The following COL7A1 variants were observed in gnomAD, a reference collection of about 807,000 sequenced individuals.
COL7A1 encodes collagen alpha-1(VII) chain.
In COL7A1, 296 loss-of-function variants were observed where a neutral mutation model predicts 456.2. The observed-to-expected ratio is 0.65, with a 90% CI of 0.59 to 0.71. The LOEUF is 0.71. COL7A1 is among the 30% of genes least tolerant of loss of function. The pLI is 0.00. For missense variants in COL7A1, 3,441 were observed against 4,017.2 expected (o/e 0.86, Z 3.88); for synonymous variants, 1,464 against 1,525.9 (o/e 0.96, Z 0.95).
rs1270008555 is a variant in COL7A1 at position 48,578,979 on chromosome 3, C to A, written c.5389-25G>T. On this transcript the variant is annotated intron_variant, in intron 62 of 118. Transcript: ENST00000681320. The surrounding 1 kb of genome is among the most constrained non-coding windows in gnomAD (Gnocchi z 4.7). ...CCTGAGGAGAGACTCAAAGTCAGTTCATCATGGTCATGGGGTCAGGGGCTC... is the reference window on the plus strand; with the variant it reads ...CCTGAGGAGAGACTCAAAGTCAGTTAATCATGGTCATGGGGTCAGGGGCTC... The A allele has an allele frequency of 1.2e-6, 2 of 1,613,922 alleles. No individual in the cohort carries two copies. The highest frequency in any genetic ancestry group is 2.2e-5 in the East Asian group (1 of 44,874).
In COL7A1 at chr3:48,571,389, G is replaced by A; in HGVS notation, c.7069-111C>T. On this transcript the variant is annotated intron_variant, in intron 92 of 118. Transcript: ENST00000681320. The surrounding 1 kb of genome is among the most constrained non-coding windows in gnomAD (Gnocchi z 4.6). ...TTCTGATGTGACCATGAACACATGG[G>A]AACTCAGACATGCGACCAAGAATTG... The A allele has an allele frequency of 7.3e-7, 1 of 1,363,720 alleles. No individual in the cohort carries two copies. The highest frequency in any genetic ancestry group is 1.2e-5 in the South Asian group (1 of 82,790). 84.5% of individuals were successfully genotyped at this position (1,363,720 alleles called of 1,614,324 possible).
At chr3:48,576,602 T>C in intron 68 of COL7A1, 45 bp from the exon 69 acceptor site, 1 of 1,595,816 alleles carries the variant, frequency 6.3e-7, no homozygotes, top group Non-Finnish European at 8.5e-7. Flanking sequence ...GCCCATGGCT[T>C]CCCAGGAGGG....
Position 48,566,900 on chromosome 3 carries a change from C to G in COL7A1, c.8226+7G>C, listed in dbSNP as rs2107632473. On this transcript the variant is annotated splice_region_variant and intron_variant, in intron 111 of 118. Coordinates refer to ENST00000681320, the MANE Select transcript of COL7A1 (RefSeq NM_000094.4). This position sits in a 1 kb window ranked among gnomAD's most constrained non-coding sequence, Gnocchi z 5.9. ...AGGGATCAGGAGTCAGAGCTGGGGC[C>G]CCTTACCTTCTGGCCCTGAAGTCCT... 6.3e-7 allele frequency: 1 copy of G among 1,597,592 alleles called. No homozygotes were observed. The highest frequency in any genetic ancestry group is 1.7e-5 in the Admixed American group (1 of 57,568).
In COL7A1 at chr3:48,593,554, G is replaced by T. The variant is rs1203706188; in HGVS notation, c.409C>A (p.Arg137=). Residue 137 remains arginine, a synonymous_variant, in exon 4 of 119, where the codon CGA becomes AGA. Transcript: ENST00000681320. This position sits in a 1 kb window ranked among gnomAD's most constrained non-coding sequence, Gnocchi z 4.4. ...GGGATCACCTTGGGGACACCAGGTC[G>T]GGCCAGCTGGGGCAGGAAGACATGG... The part of the protein sequence containing the change: ...ADHVFLPQLA[R]PGVPKVCILI... 8 of 1,614,026 alleles carry T rather than the reference G, an allele frequency of 5.0e-6. No individual in the cohort carries two copies. The highest frequency in any genetic ancestry group is 6.8e-6 in the Non-Finnish European group (8 of 1,180,012).
In COL7A1 at chr3:48,593,772, G is replaced by A; in HGVS notation, c.267-76C>T. The A allele has an allele frequency of 6.4e-7, 1 of 1,564,332 alleles. No individual in the cohort carries two copies. The highest frequency in any genetic ancestry group is 1.1e-5 in the South Asian group (1 of 90,018). On this transcript the variant is annotated intron_variant, in intron 3 of 118. Coordinates refer to ENST00000681320, the MANE Select transcript of COL7A1 (RefSeq NM_000094.4). This position sits in a 1 kb window ranked among gnomAD's most constrained non-coding sequence, Gnocchi z 4.4. ...CCCTGGCCTTGAGGAGGCCTCTAGG[G>A]TGAGGGTTACGGGTATCAGGCTCTC...
chr3:48,566,424 G>A lies in COL7A1; in HGVS notation c.8358+86C>T, dbSNP rs1575416863. The stretch of plus-strand genomic sequence containing the variant: ...AGACTGCATGGAGCCAGGGCCCAGG[G>A]GTCAGGGTGCTGGGTGAGGGAGGTA... On this transcript the variant is annotated intron_variant, in intron 113 of 118. Transcript: ENST00000681320. The surrounding 1 kb of genome is among the most constrained non-coding windows in gnomAD (Gnocchi z 5.9). The A allele has an allele frequency of 1.9e-6, 3 of 1,607,510 alleles. No individual in the cohort carries two copies. Among genetic ancestry groups the A allele is most frequent in the African/African-American group, 1.3e-5 (1 of 74,772 alleles).
intron 2 of COL7A1, 53 bp downstream of exon 2, chr3:48,595,022 G>T: frequency 1.4e-6 from 2 of 1,410,342 alleles, no homozygotes; most frequent in Non-Finnish European, 1.9e-6. Context: ...CGAGTGGAGC[G>T]GAGGGTGGCA....
Position 48,584,394 on chromosome 3 carries a change from T to C in COL7A1, c.4120-19A>G. 3.1e-6 allele frequency: 5 copies of C among 1,613,550 alleles called. No individual in the cohort carries two copies. The highest frequency in any genetic ancestry group is 4.2e-6 in the Non-Finnish European group (5 of 1,179,750). On this transcript the variant is annotated intron_variant, in intron 36 of 118. Coordinates refer to ENST00000681320, the MANE Select transcript of COL7A1 (RefSeq NM_000094.4). ...GGGGGCCCTGATGGAGGAGACAAAG[T>C]ATAAGGTGCAACCCCACAGACCTCA...
At position 48,569,675 on chromosome 3, in the gene COL7A1, A is replaced by C. The variant is rs775477397; in HGVS notation, c.7558-27T>G. 1 of 1,613,888 alleles carries C rather than the reference A, an allele frequency of 6.2e-7. No homozygotes were observed. The highest frequency in any genetic ancestry group is 8.5e-7 in the Non-Finnish European group (1 of 1,179,986). The stretch of plus-strand genomic sequence containing the variant: ...TGAGGGGGCAGGCAGGAATCAGAGG[A>C]GTCGGGAGCACCCTGGCCCCTGCCC... On this transcript the variant is annotated intron_variant, in intron 101 of 118. Transcript: ENST00000681320. This position sits in a 1 kb window ranked among gnomAD's most constrained non-coding sequence, Gnocchi z 4.9.
At position 48,585,434 on chromosome 3, in the gene COL7A1, C is replaced by T. The variant is rs1327206751; in HGVS notation, c.3894+123G>A. ...CCAAAGTCTCTGTGGTGGTTTATAA[C>T]CTCCAGCTGGGCTTCTAGGAATTCC... On this transcript the variant is annotated intron_variant, in intron 32 of 118. Transcript: ENST00000681320. The surrounding 1 kb of genome is among the most constrained non-coding windows in gnomAD (Gnocchi z 4.5). The T allele has an allele frequency of 4.2e-6, 5 of 1,191,920 alleles. No individual in the cohort carries two copies. Among genetic ancestry groups the T allele is most frequent in the Non-Finnish European group, 6.2e-6 (5 of 808,192 alleles). 73.8% of individuals were successfully genotyped at this position (1,191,920 alleles called of 1,614,324 possible).
Position 48,594,698 on chromosome 3 carries a change from G to T in COL7A1, c.86-150C>A. 1.0e-6 allele frequency: 1 copy of T among 970,230 alleles called. No homozygotes were observed. The allele number at this position is 970,230 out of a possible 1,614,324, so 60.1% of individuals were successfully genotyped here. On this transcript the variant is annotated intron_variant, in intron 2 of 118. Transcript: ENST00000681320. This position sits in a 1 kb window ranked among gnomAD's most constrained non-coding sequence, Gnocchi z 5.5. ...GAATCGGCCTGAGCCTGAGGGCCTTGGAGGGAGTTGAGCTCGGTGGGTCCC... is the reference window on the plus strand; with the variant it reads ...GAATCGGCCTGAGCCTGAGGGCCTTTGAGGGAGTTGAGCTCGGTGGGTCCC...
In COL7A1 at chr3:48,567,659, T is replaced by G; in HGVS notation, c.7984-23A>C. 1 of 1,613,634 alleles carries G rather than the reference T, an allele frequency of 6.2e-7. No homozygotes were observed. The highest frequency in any genetic ancestry group is 1.3e-5 in the African/African-American group (1 of 74,800). On this transcript the variant is annotated intron_variant, in intron 108 of 118. Coordinates refer to ENST00000681320, the MANE Select transcript of COL7A1 (RefSeq NM_000094.4). This position sits in a 1 kb window ranked among gnomAD's most constrained non-coding sequence, Gnocchi z 4.3. ...CCCCTGGAGAAAAAAAGACATGAAC[T>G]TGGCCCCCGTCCACCCGTGGCCCCC...
chr3:48,579,434 AG>A lies in COL7A1; in HGVS notation c.5272-31del. 2 of 1,614,128 alleles carry A rather than the reference AG, an allele frequency of 1.2e-6. No homozygotes were observed. Among genetic ancestry groups the A allele is most frequent in the Non-Finnish European group, 1.7e-6 (2 of 1,179,998 alleles). ...AGGGAACAGGGTCAGATAAGAGGTGAGGGTAAGATGGGGACTTGGCAGACGG... is the reference window on the plus strand; with the variant it reads ...AGGGAACAGGGTCAGATAAGAGGTGAGGTAAGATGGGGACTTGGCAGACGG... On this transcript the variant is annotated intron_variant, in intron 60 of 118. Transcript: ENST00000681320. This position sits in a 1 kb window ranked among gnomAD's most constrained non-coding sequence, Gnocchi z 4.4.
At position 48,586,622 on chromosome 3, in the gene COL7A1, C is replaced by T. The variant is rs2107750416; in HGVS notation, c.3344G>A (p.Gly1115Asp). The change falls in exon 26 of 119, where the codon GGC becomes GAC. Residue 1115 changes from glycine to aspartate, a missense_variant. Gly to Asp is a moderately conservative substitution (Grantham distance 94). Around this residue, in one of 3 missense-constraint regions of COL7A1, gnomAD observed 444 missense variants for 427.6 expected, o/e 1.04. Coordinates refer to ENST00000681320, the MANE Select transcript of COL7A1 (RefSeq NM_000094.4). This position sits in a 1 kb window ranked among gnomAD's most constrained non-coding sequence, Gnocchi z 5.1. ...LFPLNGSHDL[G>D]IILQRIRDMP... is the part of the protein sequence containing the mutation. ...GTCACGGATCCTTTGCAAGATAATGCCAAGGTCATGGGAGCCATTCAGTGG... is the reference window on the plus strand; with the variant it reads ...GTCACGGATCCTTTGCAAGATAATGTCAAGGTCATGGGAGCCATTCAGTGG... The T allele has an allele frequency of 6.2e-7, 1 of 1,613,652 alleles. No homozygotes were observed. Among genetic ancestry groups the T allele is most frequent in the Non-Finnish European group, 8.5e-7 (1 of 1,180,002 alleles).
Position 48,572,122 on chromosome 3 carries a change from C to T in COL7A1, c.7023+5G>A, listed in dbSNP as rs2043965726. The T allele has an allele frequency of 6.2e-7, 1 of 1,613,944 alleles. No homozygotes were observed. Among genetic ancestry groups the T allele is most frequent in the Admixed American group, 1.7e-5 (1 of 59,998 alleles). On this transcript the variant is annotated splice_donor_5th_base_variant and intron_variant, in intron 91 of 118. Transcript: ENST00000681320. This position sits in a 1 kb window ranked among gnomAD's most constrained non-coding sequence, Gnocchi z 4.6. ...TAGTCAGGCCCCAGGGCCAACCCAC[C>T]TCACCTTCTCGCCTCGCGGCCCTGG...
chr3:48,576,685 A>C lies in COL7A1; in HGVS notation c.5691T>G (p.Pro1897=), dbSNP rs911812754. ...GACCCAGGACACTCACCTGGCCAGG[A>C]GGGCCCACTGGCCCTGGGAGGCCTG... ...GPPGLPGPVG[P]PGQGFPGVPG... is the part of the protein sequence containing the mutation. The change falls in exon 68 of 119, where the codon CCT becomes CCG. Residue 1897 remains proline, a synonymous_variant. Transcript: ENST00000681320. The C allele has an allele frequency of 6.2e-7, 1 of 1,606,142 alleles. No homozygotes were observed. Among genetic ancestry groups the C allele is most frequent in the Non-Finnish European group, 8.5e-7 (1 of 1,176,876 alleles).
At position 48,590,702 on chromosome 3, in the gene COL7A1, C is replaced by A. The variant is rs555015100; in HGVS notation, c.1751G>T (p.Gly584Val). 1 of 1,614,032 alleles carries A rather than the reference C, an allele frequency of 6.2e-7. No individual in the cohort carries two copies. Among genetic ancestry groups the A allele is most frequent in the Non-Finnish European group, 8.5e-7 (1 of 1,180,038 alleles). The change falls in exon 14 of 119, where the codon GGC becomes GTC. Residue 584 changes from glycine to valine, a missense_variant. Physicochemically the swap from Gly to Val is moderately radical, Grantham distance 109. Transcript: ENST00000681320. This position sits in a 1 kb window ranked among gnomAD's most constrained non-coding sequence, Gnocchi z 4.6. ...GCGGACAGTGAGGACACTGGCACTGCCCTCACGGGGACCCACTCGAGCAGA... is the reference window on the plus strand; with the variant it reads ...GCGGACAGTGAGGACACTGGCACTGACCTCACGGGGACCCACTCGAGCAGA... The part of the protein sequence containing the change: ...RVSARVGPRE[G>V]SASVLTVRRE...
chr3:48,581,533 A>T lies in COL7A1; in HGVS notation c.4782+40T>A. On this transcript the variant is annotated intron_variant, in intron 50 of 118. Coordinates refer to ENST00000681320, the MANE Select transcript of COL7A1 (RefSeq NM_000094.4). This position sits in a 1 kb window ranked among gnomAD's most constrained non-coding sequence, Gnocchi z 5.8. ...GACTTAGTCAGGGTCCCACCACCTC[A>T]TCTCCCTCTGTCACACTCCCCATTC... is the stretch of plus-strand genomic sequence containing the variant. 6.2e-7 allele frequency: 1 copy of T among 1,613,866 alleles called. No homozygotes were observed. The highest frequency in any genetic ancestry group is 8.5e-7 in the Non-Finnish European group (1 of 1,179,956).
chr3:48,589,556 C>T, intron 17 of COL7A1, 43 bp downstream of exon 17: 1 of 1,612,630 alleles, frequency 6.2e-7, no homozygotes, highest in Non-Finnish European at 8.5e-7. Flanking sequence ...CCCCCAGCCC[C>T]CATTCCACCC....
Sources: gnomAD v4.1 joint callset for allele counts on GRCh38, gnomAD v4.1.1 for gene constraint, gnomAD v4.1.1 regional missense constraint, Gnocchi (gnomAD v3.1) non-coding constraint, MANE v1.5 for transcripts, NCBI Gene and HGNC (gene_info 2026-07-23, HGNC 2026-07-21) for gene names.